CDH13: variants seen among roughly 807,000 people sequenced by gnomAD.
CDH13 encodes the protein cadherin-13.
CDH13 carries 24 observed loss-of-function variants against 63.8 expected under a neutral mutation model. That is an observed-to-expected ratio of 0.38 (90% CI 0.27 to 0.53). The LOEUF (loss-of-function observed/expected upper bound fraction) is 0.53. CDH13 is among the 20% of genes least tolerant of loss of function. CDH13 has a pLI of 0.85. For missense variants in CDH13, 1,049 were observed against 903.1 expected, an observed-to-expected ratio of 1.16 and a Z score of -2.07; for synonymous variants, 503 against 355.3, an observed-to-expected ratio of 1.42 and a Z score of -4.67.
At chr16:83,235,944 T>C (rs2040130567) in intron 5 of CDH13, among the ~76,000 whole-genome samples, 1 of 152,238 alleles carries the variant, frequency 6.6e-6, no homozygotes, top group South Asian at 2.1e-4. Context: ...GCTGTAAGTT[T>C]TGAGTTGTTA....
chr16:83,276,189 T>A (rs1004857638), intron 5 of CDH13, among the ~76,000 whole-genome samples: 2 of 152,056 alleles, frequency 1.3e-5, no homozygotes, highest in African/African-American at 2.4e-5. Flanking sequence ...TCCCAATCAC[T>A]CCAACTCTGA....
At chr16:83,666,392 C>T (rs1913951484) in intron 8 of CDH13, among the ~76,000 whole-genome samples, 1 of 152,158 alleles carries the variant, frequency 6.6e-6, no homozygotes. Flanking sequence ...AGATAATGGG[C>T]TTAACAAATA....
intron 7 of CDH13, among the ~76,000 whole-genome samples, chr16:83,583,875 C>G (rs1192528418): frequency 6.6e-6 from 1 of 152,094 alleles, no homozygotes; most frequent in Non-Finnish European, 1.5e-5. Context: ...TGAGATCGCA[C>G]CACAGCACTC....
intron 6 of CDH13, among the ~76,000 whole-genome samples, chr16:83,446,970 A>G (rs979380275): frequency 2.9e-4 from 43 of 149,650 alleles, no homozygotes; most frequent in Non-Finnish European, 3.0e-4. Context: ...ACTGCCACCT[A>G]ATGGTCATGT....
intron 10 of CDH13, among the ~76,000 whole-genome samples, chr16:83,696,046 T>C (rs1640113991): frequency 6.6e-6 from 1 of 151,906 alleles, no homozygotes; most frequent in African/African-American, 2.4e-5. Flanking sequence ...TGCACCACCA[T>C]GCCCAGCTAA....
At chr16:82,979,761 G>A (rs776275508) in intron 2 of CDH13, among the ~76,000 whole-genome samples, 3 of 152,158 alleles carry the variant, frequency 2.0e-5, no homozygotes, top group Non-Finnish European at 4.4e-5. Flanking sequence ...GGAGTATGTG[G>A]TGAGCTTTTT....
chr16:83,094,587 A>C (rs927984675), intron 3 of CDH13, among the ~76,000 whole-genome samples: 3 of 152,200 alleles, frequency 2.0e-5, no homozygotes, highest in Admixed American at 2.0e-4. Flanking sequence ...TGTCTTCAGC[A>C]GAAGGCAAGG....
At chr16:82,673,193 C>T (rs185350158) in intron 1 of CDH13, among the ~76,000 whole-genome samples, 3 of 151,820 alleles carry the variant, frequency 2.0e-5, no homozygotes, top group Non-Finnish European at 4.4e-5. Flanking sequence ...GACGAAGCCC[C>T]GGGTAGGAAT....
chr16:83,169,433 C>T (rs1597456921), intron 4 of CDH13, among the ~76,000 whole-genome samples: 1 of 152,164 alleles, frequency 6.6e-6, no homozygotes, highest in East Asian at 1.9e-4. Flanking sequence ...CCTCGGCTTC[C>T]CGAAGTGCTG....
chr16:83,089,705 C>T (rs1319775533), intron 3 of CDH13, among the ~76,000 whole-genome samples: 1 of 152,192 alleles, frequency 6.6e-6, no homozygotes, highest in Admixed American at 6.5e-5. Flanking sequence ...GTTTATTTGC[C>T]ATGGACTTCT....
At chr16:83,222,887 T>C (rs180757580) in intron 5 of CDH13, among the ~76,000 whole-genome samples, 7 of 152,232 alleles carry the variant, frequency 4.6e-5, no homozygotes, top group Admixed American at 1.3e-4. Context: ...AGTGGCACTA[T>C]TGAAATTTGA....
At chr16:82,717,578 T>C (rs2032467565) in intron 1 of CDH13, among the ~76,000 whole-genome samples, 1 of 152,172 alleles carries the variant, frequency 6.6e-6, no homozygotes. Flanking sequence ...ATCCTGGTGG[T>C]TCCCGACATT....
At chr16:83,252,632 A>C (rs1375491501) in intron 5 of CDH13, among the ~76,000 whole-genome samples, 1 of 152,160 alleles carries the variant, frequency 6.6e-6, no homozygotes, top group Non-Finnish European at 1.5e-5. Flanking sequence ...CACAGTGGGA[A>C]GCTCAGCACA....
At chr16:82,828,026 C>A (rs989640496) in intron 1 of CDH13, among the ~76,000 whole-genome samples, 1 of 152,140 alleles carries the variant, frequency 6.6e-6, no homozygotes, top group Non-Finnish European at 1.5e-5. Flanking sequence ...CAGTTCTAGA[C>A]AAACAGAGAC....
At chr16:83,353,082 G>C (rs1372956008) in intron 6 of CDH13, among the ~76,000 whole-genome samples, 1 of 152,156 alleles carries the variant, frequency 6.6e-6, no homozygotes, top group Non-Finnish European at 1.5e-5. Context: ...GTGGAAGCGT[G>C]GCAAGGGTGT....
At chr16:83,761,164 C>G (rs1244958100) in intron 11 of CDH13, among the ~76,000 whole-genome samples, 2 of 152,156 alleles carry the variant, frequency 1.3e-5, no homozygotes, top group African/African-American at 4.8e-5. Context: ...GTCAAAAGAG[C>G]AGGACTGAAA....
At chr16:83,061,493 A>T (rs1168467736) in intron 3 of CDH13, among the ~76,000 whole-genome samples, 1 of 152,206 alleles carries the variant, frequency 6.6e-6, no homozygotes, top group African/African-American at 2.4e-5. Flanking sequence ...ACAGAAAATG[A>T]GTGAGCAATG....
At chr16:82,848,718 C>T (rs1383689847) in intron 1 of CDH13, among the ~76,000 whole-genome samples, 3 of 152,170 alleles carry the variant, frequency 2.0e-5, no homozygotes, top group African/African-American at 7.2e-5. Context: ...TTTCCTGAAA[C>T]ACAGCAATAT....
chr16:82,656,003 C>T (rs1240457691), intron 1 of CDH13, among the ~76,000 whole-genome samples: 2 of 152,044 alleles, frequency 1.3e-5, no homozygotes, highest in Non-Finnish European at 2.9e-5. Flanking sequence ...GTGTGAGAGA[C>T]AGAAACTTCA....
Sources: allele counts gnomAD v4.1 joint callset (sites outside exome capture counted in the v4.1 genomes callset), GRCh38; gene constraint gnomAD v4.1.1; transcripts MANE v1.5; gene names NCBI Gene and HGNC (gene_info 2026-07-23, HGNC 2026-07-21).